LMCD1: variants seen among roughly 807,000 people sequenced by gnomAD.
LMCD1 encodes LIM and cysteine rich domains 1.
A neutral mutation model predicts 42.7 loss-of-function variants in LMCD1; 32 were observed. The observed-to-expected ratio is 0.75, with a 90% CI of 0.57 to 1.01. LMCD1 has a LOEUF of 1.01. Among genes scored for constraint, LMCD1 ranks in the 50% least tolerant of loss-of-function variants. The pLI, the probability that LMCD1 is intolerant of heterozygous loss-of-function variation, is 0.00. For synonymous variants in LMCD1, 178 were observed against 184.9 expected (o/e 0.96, Z 0.30); for missense variants, 458 against 483.1 (o/e 0.95, Z 0.49).
intron 4 of LMCD1, among the ~76,000 whole-genome samples, chr3:8,549,474 G>A (rs1230260301): frequency 6.6e-6 from 1 of 152,092 alleles, no homozygotes; most frequent in Non-Finnish European, 1.5e-5. Context: ...ATACTGATTA[G>A]CTTGTATTAG....
intron 3 of LMCD1, among the ~76,000 whole-genome samples, chr3:8,544,991 A>G (rs546975308): frequency 1.3e-5 from 2 of 152,352 alleles, no homozygotes; most frequent in African/African-American, 4.8e-5. Context: ...ATTACGTTCA[A>G]TAAAAACAAA....
intron 5 of LMCD1, among the ~76,000 whole-genome samples, chr3:8,565,873 T>C (rs755417582): frequency 9.9e-5 from 15 of 152,232 alleles, no homozygotes; most frequent in Non-Finnish European, 1.8e-4. Flanking sequence ...GTGAATCTTG[T>C]CCTTGGCATA....
chr3:8,510,653 T>G lies in LMCD1; in HGVS notation c.42+8673T>G, dbSNP rs118080310. 2.0e-5 allele frequency among the ~76,000 whole-genome samples: 3 copies of G among 152,284 alleles called. No homozygotes were observed. The East Asian group carries it at 5.8e-4, about 29-fold the overall frequency. ...TATATCACATTACAGCTGAGATAGATCCTCATCCTACAATTTATACTCATC... is the reference window on the plus strand; with the variant it reads ...TATATCACATTACAGCTGAGATAGAGCCTCATCCTACAATTTATACTCATC... On this transcript the variant is annotated intron_variant, in intron 1 of 5. Transcript: ENST00000157600.
Position 8,548,876 on chromosome 3 carries a change from C to G in LMCD1, c.696C>G (p.Leu232=). 1 of 1,553,350 alleles carries G rather than the reference C, an allele frequency of 6.4e-7. No individual in the cohort carries two copies. The change falls in exon 4 of 6, where the codon CTC becomes CTG. Residue 232 remains leucine, a synonymous_variant. Coordinates refer to ENST00000157600, the MANE Select transcript of LMCD1 (RefSeq NM_014583.4). The stretch of plus-strand genomic sequence containing the variant: ...CTGCTGCTACCACCAACGGCAGTCT[C>G]AGTGACCCGTCCAAAGAAGTGGAAT... The part of the protein sequence containing the change: ...ETTAATTNGS[L]SDPSKEVEYV...
In LMCD1 at chr3:8,537,430, C is replaced by A. The variant is rs199580800; in HGVS notation, c.377C>A (p.Thr126Asn). 1.0e-5 allele frequency: 16 copies of A among 1,580,106 alleles called. No individual in the cohort carries two copies. The highest frequency in any genetic ancestry group is 1.7e-4 in the Middle Eastern group (1 of 5,910). The change falls in exon 3 of 6, where the codon ACC becomes AAC. Residue 126 changes from threonine (T) to asparagine (N), a missense_variant. Transcript: ENST00000157600. ...TACGAGTGGGCTCCCCCTGGAGTCA[C>A]CCAGAAACTGGTAAGAGAGCTTCCC... ...ITYEWAPPGVTQKLGLQYMEL... is the reference protein window; with the variant it reads ...ITYEWAPPGVNQKLGLQYMEL...
At chr3:8,541,499 A>G (rs1694626728) in intron 3 of LMCD1, among the ~76,000 whole-genome samples, 1 of 152,212 alleles carries the variant, frequency 6.6e-6, no homozygotes, top group South Asian at 2.1e-4. Flanking sequence ...CAGTGAGCCG[A>G]GATTGTGCCA....
rs573341438 is a variant in LMCD1 at position 8,566,461 on chromosome 3, T to C, written c.939+814T>C. On this transcript the variant is annotated intron_variant, in intron 5 of 5. Coordinates refer to ENST00000157600, the MANE Select transcript of LMCD1 (RefSeq NM_014583.4). ...TGGTCACCATATGAAGTTAAGACCC[T>C]GTAGTCCTCTTACCTAATAACTCTG... 7.0e-4 allele frequency among the ~76,000 whole-genome samples: 106 copies of C among 152,316 alleles called. 1 individual carries two copies. Among genetic ancestry groups the C allele is most frequent in the South Asian group, 6.6e-3 (32 of 4,828 alleles).
At chr3:8,527,587 AG>A (rs533540434) in intron 1 of LMCD1, among the ~76,000 whole-genome samples, 48 of 152,266 alleles carry the variant, frequency 3.2e-4, no homozygotes, top group African/African-American at 1.1e-3. Flanking sequence ...CAGAACCCCT[AG>A]GGAAGGGTTT....
At chr3:8,519,741 C>CA (rs59146036) in intron 1 of LMCD1, among the ~76,000 whole-genome samples, 2,178 of 109,472 alleles carry the variant, frequency 0.02, 20 homozygotes, top group Admixed American at 0.029. Context: ...CATATGATAG[C>CA]AAAAAAAAAA....
rs1381199353 is a variant in LMCD1, at chr3:8,501,877, C to G, written c.-62C>G. On this transcript the variant is annotated 5_prime_UTR_variant, in exon 1 of 6. Coordinates refer to ENST00000157600, the MANE Select transcript of LMCD1 (RefSeq NM_014583.4). Reference sequence around the variant, plus strand: ...TTGGCCATTCAGCCGCCGCTGTCCCCGCTGCGCGCCCTCGCGCCTCTGCCT... The same window carrying G: ...TTGGCCATTCAGCCGCCGCTGTCCCGGCTGCGCGCCCTCGCGCCTCTGCCT... 1.7e-5 allele frequency: 25 copies of G among 1,507,930 alleles called. No homozygotes were observed. The highest frequency in any genetic ancestry group is 5.1e-5 in the East Asian group (2 of 39,360). The allele number at this position is 1,507,930 out of a possible 1,614,324, so 93.4% of individuals were successfully genotyped here. A position where few individuals can be genotyped will look rare whatever the true frequency, so the allele number is the denominator to read the frequency against.
intron 1 of LMCD1, among the ~76,000 whole-genome samples, chr3:8,519,026 A>G (rs1460852442): frequency 6.6e-6 from 1 of 152,190 alleles, no homozygotes; most frequent in Admixed American, 6.5e-5. Context: ...GCATAGATGA[A>G]GGTGTTTTAT....
chr3:8,531,223 A>G (rs1409461761), intron 1 of LMCD1, among the ~76,000 whole-genome samples: 1 of 152,176 alleles, frequency 6.6e-6, no homozygotes, highest in African/African-American at 2.4e-5. Flanking sequence ...ACATGCTCAC[A>G]TTGCATACCC....
chr3:8,569,947 T>G lies in LMCD1; in HGVS notation c.*2349T>G, dbSNP rs182623181. 4 of 147,388 alleles carry G rather than the reference T, an allele frequency of 2.7e-5. No homozygotes were observed. The highest frequency in any genetic ancestry group is 2.2e-4 in the Admixed American group (3 of 13,602). The allele number at this position is 147,388 out of a possible 1,614,324, so 9.1% of individuals were successfully genotyped here. ...GTGAGCTGTGATCATGCCACAGCACTCCAGCCTGGGTGACAGAGTGAGACC... is the reference window on the plus strand; with the variant it reads ...GTGAGCTGTGATCATGCCACAGCACGCCAGCCTGGGTGACAGAGTGAGACC... On this transcript the variant is annotated 3_prime_UTR_variant, in exon 6 of 6. Transcript: ENST00000157600.
chr3:8,501,865 C>A lies in LMCD1; in HGVS notation c.-74C>A. On this transcript the variant is annotated 5_prime_UTR_variant, in exon 1 of 6. Coordinates refer to ENST00000157600, the MANE Select transcript of LMCD1 (RefSeq NM_014583.4). The stretch of plus-strand genomic sequence containing the variant: ...AGGCCCGCGAACTTGGCCATTCAGC[C>A]GCCGCTGTCCCCGCTGCGCGCCCTC... The A allele has an allele frequency of 2.1e-6, 3 of 1,426,626 alleles. No homozygotes were observed. Among genetic ancestry groups the A allele is most frequent in the Non-Finnish European group, 2.9e-6 (3 of 1,040,456 alleles). The allele number at this position is 1,426,626 out of a possible 1,614,324, so 88.4% of individuals were successfully genotyped here.
rs1695164593 is a variant in LMCD1, at chr3:8,568,443, A to G, written c.*845A>G. On this transcript the variant is annotated 3_prime_UTR_variant, in exon 6 of 6. Transcript: ENST00000157600. ...TAGCGAATGAACCCCTCTGGGAATA[A>G]GACCAGTACTGGGAAACCACTGAAC... 6.6e-6 allele frequency: 1 copy of G among 152,224 alleles called. No individual in the cohort carries two copies. Among genetic ancestry groups the G allele is most frequent in the Non-Finnish European group, 1.5e-5 (1 of 68,048 alleles). The allele number at this position is 152,224 out of a possible 1,614,324, so 9.4% of individuals were successfully genotyped here. A position where few individuals can be genotyped will look rare whatever the true frequency, so the allele number is the denominator to read the frequency against.
At chr3:8,544,389 T>C (rs941272675) in intron 3 of LMCD1, among the ~76,000 whole-genome samples, 1 of 152,142 alleles carries the variant, frequency 6.6e-6, no homozygotes, top group Admixed American at 6.5e-5. Context: ...TTCAGAGGTG[T>C]GCAGACATAC....
intron 1 of LMCD1, among the ~76,000 whole-genome samples, chr3:8,528,783 C>A (rs1007507720): frequency 6.6e-6 from 1 of 152,102 alleles, no homozygotes; most frequent in Non-Finnish European, 1.5e-5. Context: ...TCTAAGACTT[C>A]CCTTGGGATT....
intron 1 of LMCD1, among the ~76,000 whole-genome samples, chr3:8,502,372 T>TATATAATATATATTATATAAA (rs1693769496): frequency 4.9e-4 from 9 of 18,514 alleles, no homozygotes; most frequent in Admixed American, 1.2e-3. Context: ...TTATATAAAA[T>TATATAATATATATTATATAAA]ATATATAATA....
At chr3:8,542,628 A>T (rs1436816970) in intron 3 of LMCD1, among the ~76,000 whole-genome samples, 1 of 152,226 alleles carries the variant, frequency 6.6e-6, no homozygotes, top group African/African-American at 2.4e-5. Flanking sequence ...CTCTGAAATG[A>T]TGACAAAAGG....
Sources: allele counts gnomAD v4.1 joint callset (sites outside exome capture counted in the v4.1 genomes callset), GRCh38; gene constraint gnomAD v4.1.1; transcripts MANE v1.5; gene names NCBI Gene and HGNC (gene_info 2026-07-23, HGNC 2026-07-21).